Variants in SLC2A9 observed in about 807,000 individuals in gnomAD.
SLC2A9 encodes the protein solute carrier family 2 member 9.
SLC2A9 carries 39 observed loss-of-function variants against 50.6 expected under a neutral mutation model. The ratio of observed to expected loss-of-function variants is 0.77; its 90% CI spans 0.60 to 1.01. The LOEUF is 1.01. Ranked by LOEUF, SLC2A9 falls within the 50% of genes least tolerant of loss-of-function variation. The pLI is 0.00. For synonymous variants in SLC2A9, 324 were observed against 276.9 expected, an observed-to-expected ratio of 1.17 and a Z score of -1.69; for missense variants, 686 against 677.6, an observed-to-expected ratio of 1.01 and a Z score of -0.14.
chr4:9,789,535 C>T (rs1719635923), intron 3 of SLC2A9, among the ~76,000 whole-genome samples: 1 of 152,132 alleles, frequency 6.6e-6, no homozygotes, highest in Non-Finnish European at 1.5e-5. Flanking sequence ...TTGCCTACAC[C>T]TAGAATAGGA....
chr4:9,995,770 A>C (rs2109277846), intron 3 of SLC2A9: 1 of 152,336 alleles, frequency 6.6e-6, no homozygotes. Context: ...GCAGGTAGAA[A>C]CTATCATCCC....
At chr4:9,906,987 T>C (rs1237269864) in intron 8 of SLC2A9, among the ~76,000 whole-genome samples, 1 of 152,246 alleles carries the variant, frequency 6.6e-6, no homozygotes, top group Admixed American at 6.5e-5. Flanking sequence ...CTTGTTAGAA[T>C]GACCCATTAA....
chr4:10,034,604 C>G (rs565564135), intron 1 of SLC2A9: 1 of 152,502 alleles, frequency 6.6e-6, no homozygotes, highest in African/African-American at 2.4e-5. Context: ...TGCCTCTTCC[C>G]CTTGTTCACT....
intron 5 of SLC2A9, among the ~76,000 whole-genome samples, chr4:9,971,047 T>C (rs977326488): frequency 6.6e-6 from 1 of 152,176 alleles, no homozygotes; most frequent in Non-Finnish European, 1.5e-5. Context: ...TCTTTAGTGT[T>C]GTGAGCCCCT....
chr4:9,918,412 G>A (rs904813192), intron 7 of SLC2A9, among the ~76,000 whole-genome samples: 11 of 152,190 alleles, frequency 7.2e-5, no homozygotes, highest in Non-Finnish European at 4.4e-5. Context: ...GGGTCTCTCT[G>A]TATGTAACAC....
intron 5 of SLC2A9, among the ~76,000 whole-genome samples, chr4:9,952,006 G>C (rs553758868): frequency 2.4e-4 from 37 of 152,336 alleles, no homozygotes; most frequent in Admixed American, 2.2e-3. Flanking sequence ...CAATGCCACA[G>C]AAGCCAAGAA....
At chr4:9,832,263 G>A (rs1433243609) in intron 11 of SLC2A9, among the ~76,000 whole-genome samples, 1 of 152,156 alleles carries the variant, frequency 6.6e-6, no homozygotes, top group Non-Finnish European at 1.5e-5. Flanking sequence ...GTTGGGGGAT[G>A]TGACTCAGAA....
chr4:9,933,698 A>G (rs1042464250), intron 6 of SLC2A9, among the ~76,000 whole-genome samples: 4 of 152,208 alleles, frequency 2.6e-5, no homozygotes, highest in African/African-American at 4.8e-5. Context: ...GAGATTTATC[A>G]TCTTCCAGTT....
rs139204497 is a variant in SLC2A9 at position 9,917,797 on chromosome 4, C to T, written c.1002+2588G>A. The stretch of plus-strand genomic sequence containing the variant: ...CTGGAGCCATTTTTGGTTGTCACAG[C>T]TGGTGGGGCAGATGGTGCTACTGGT... On this transcript the variant is annotated intron_variant, in intron 7 of 11. Transcript: ENST00000264784. 6.4e-3 allele frequency among the ~76,000 whole-genome samples: 976 copies of T among 152,318 alleles called. 5 individuals carry two copies. Among genetic ancestry groups the T allele is most frequent in the Middle Eastern group, 0.02 (6 of 294 alleles).
chr4:9,833,722 C>G (rs1206217166), intron 11 of SLC2A9, among the ~76,000 whole-genome samples: 1 of 152,238 alleles, frequency 6.6e-6, no homozygotes, highest in African/African-American at 2.4e-5. Context: ...AATTAGCAGG[C>G]GGACTTAGAA....
intron 10 of SLC2A9, among the ~76,000 whole-genome samples, chr4:9,874,246 A>AT (rs1343893465): frequency 7.9e-6 from 1 of 127,362 alleles, no homozygotes; most frequent in African/African-American, 3.4e-5. Context: ...CACTTTTGCT[A>AT]TTAAAAAAAA....
upstream of SLC2A9, among the ~76,000 whole-genome samples, chr4:10,022,785 G>A (rs1234926443): frequency 6.6e-6 from 1 of 152,324 alleles, no homozygotes; most frequent in Admixed American, 6.5e-5. Context: ...ACGTGGAAAC[G>A]TCCGGCCCTG....
chr4:10,033,686 C>G (rs1411866500), intron 1 of SLC2A9, among the ~76,000 whole-genome samples: 1 of 152,326 alleles, frequency 6.6e-6, no homozygotes, highest in East Asian at 1.9e-4. Flanking sequence ...TGAGCAAGCT[C>G]TCTGCACTCG....
intron 5 of SLC2A9, among the ~76,000 whole-genome samples, chr4:9,971,918 C>A (rs766336882): frequency 3.9e-5 from 6 of 152,244 alleles, no homozygotes; most frequent in Non-Finnish European, 5.9e-5. Context: ...CTAGCAACTG[C>A]CTGTCCAACC....
At chr4:9,824,464 T>C (rs1724845991), downstream of SLC2A9, among the ~76,000 whole-genome samples, 1 of 152,192 alleles carries the variant, frequency 6.6e-6, no homozygotes. Flanking sequence ...AGTCATAGTG[T>C]TCCCCATTCT....
At chr4:9,944,766 G>C (rs1748803518) in intron 5 of SLC2A9, among the ~76,000 whole-genome samples, 1 of 152,228 alleles carries the variant, frequency 6.6e-6, no homozygotes, top group Admixed American at 6.5e-5. Context: ...CAAGTGTTCA[G>C]AGATTTCCTG....
intron 3 of SLC2A9, among the ~76,000 whole-genome samples, chr4:9,801,556 C>T (rs532949613): frequency 6.6e-6 from 1 of 152,316 alleles, no homozygotes; most frequent in African/African-American, 2.4e-5. Context: ...CCCAGTGAGT[C>T]TCATCCCCAT....
At chr4:9,808,489 T>C (rs371429588) in intron 3 of SLC2A9, among the ~76,000 whole-genome samples, 2 of 152,178 alleles carry the variant, frequency 1.3e-5, no homozygotes, top group South Asian at 4.1e-4. Flanking sequence ...CCTCAGTCCC[T>C]GGAATTATCA....
intron 6 of SLC2A9, among the ~76,000 whole-genome samples, chr4:9,929,015 G>A (rs528765069): frequency 3.2e-4 from 49 of 152,328 alleles, no homozygotes; most frequent in Middle Eastern, 3.4e-3. Flanking sequence ...GGTTGAAGCC[G>A]CTTCATCAAG....
Sources: allele counts gnomAD v4.1 joint callset (sites outside exome capture counted in the v4.1 genomes callset), GRCh38; gene constraint gnomAD v4.1.1; transcripts MANE v1.5; gene names NCBI Gene and HGNC (gene_info 2026-07-23, HGNC 2026-07-21).